LEMD2: variants seen among roughly 807,000 people sequenced by gnomAD.
The protein encoded by LEMD2 is LEM domain nuclear envelope protein 2.
LEMD2 carries 34 observed loss-of-function variants against 58.8 expected under a neutral mutation model. That is an observed-to-expected ratio of 0.58 (90% CI 0.44 to 0.77). LEMD2 has a LOEUF of 0.77. LEMD2 is among the 30% of genes least tolerant of loss of function. The pLI, the probability that LEMD2 is intolerant of heterozygous loss-of-function variation, is 0.00. For synonymous variants in LEMD2, 298 were observed against 308.9 expected (o/e 0.96, Z 0.37); for missense variants, 629 against 717.9 (o/e 0.88, Z 1.42).
Position 33,778,155 on chromosome 6 carries a change from C to T in LEMD2, c.1156+87G>A, listed in dbSNP as rs555633795. On this transcript the variant is annotated intron_variant, in intron 6 of 8. Coordinates refer to ENST00000293760, the MANE Select transcript of LEMD2 (RefSeq NM_181336.4). This position sits in a 1 kb window ranked among gnomAD's most constrained non-coding sequence, Gnocchi z 4.7. ...GTTCACTAGACAGAAATGAACCCTC[C>T]GGGCCTGGAATTTCTATAGCTCATC... 943 of 1,341,630 alleles carry T rather than the reference C, an allele frequency of 7.0e-4. 2 individuals are homozygous for T. Among genetic ancestry groups the T allele is most frequent in the Middle Eastern group, 2.7e-3 (13 of 4,882 alleles). 83.1% of individuals were successfully genotyped at this position (1,341,630 alleles called of 1,614,324 possible). A position where few individuals can be genotyped will look rare whatever the true frequency, so the allele number is the denominator to read the frequency against.
chr6:33,788,605 C>T lies in LEMD2; in HGVS notation c.512G>A (p.Arg171Gln). The T allele has an allele frequency of 7.8e-7, 1 of 1,276,950 alleles. No individual in the cohort carries two copies. The highest frequency in any genetic ancestry group is 2.7e-5 in the South Asian group (1 of 37,116). The allele number at this position is 1,276,950 out of a possible 1,614,324, so 79.1% of individuals were successfully genotyped here. Residue 171 changes from arginine to glutamine, a missense_variant, in exon 1 of 9, where the codon CGG (arginine) becomes CAG (glutamine). This residue lies in a region of LEMD2 where 386 missense variants were observed against 381.1 expected (regional missense o/e 1.01). Transcript: ENST00000293760. Reference sequence around the variant, plus strand: ...GGGACCGAGGAGGGAGGAAGGCAGCCGCGCCGGGGCGGGAGACGCTGCCCA... The same window carrying T: ...GGGACCGAGGAGGGAGGAAGGCAGCTGCGCCGGGGCGGGAGACGCTGCCCA... ...RWWAASPAPA[R>Q]LPSSLLGPDP... is the part of the protein sequence containing the mutation.
chr6:33,777,314 G>A (rs1767454566), intron 6 of LEMD2, 75 bp from the exon 7 acceptor site: 1 of 1,010,030 alleles, frequency 9.9e-7, no homozygotes, highest in South Asian at 1.3e-5. Context: ...AAGATGCTGT[G>A]ATGGATGCTG....
intron 1 of LEMD2, 50 bp downstream of exon 1, chr6:33,788,331 G>A (rs1272970535): frequency 7.4e-6 from 11 of 1,495,804 alleles, no homozygotes; most frequent in African/African-American, 4.2e-5. Context: ...GGGTCCTCCG[G>A]CGGACACACG....
intron 1 of LEMD2, among the ~76,000 whole-genome samples, chr6:33,787,707 T>C (rs1481679454): frequency 6.6e-6 from 1 of 152,254 alleles, no homozygotes; most frequent in Non-Finnish European, 1.5e-5. Context: ...CTCATTGGCA[T>C]ATCTAACCAT....
intron 6 of LEMD2, 115 bp from the exon 7 acceptor site, chr6:33,777,354 C>A: frequency 1.3e-6 from 1 of 783,476 alleles, no homozygotes; most frequent in South Asian, 1.4e-5. Flanking sequence ...GTTTGGGTAC[C>A]TACTATGTGT....
chr6:33,783,907 C>A (rs1392257082), intron 3 of LEMD2, among the ~76,000 whole-genome samples: 2 of 152,230 alleles, frequency 1.3e-5, no homozygotes, highest in African/African-American at 4.8e-5. Flanking sequence ...GGGCCCACTA[C>A]ACAGACTATC....
In LEMD2 at chr6:33,788,567, C is replaced by T. The variant is rs1767740832; in HGVS notation, c.550G>A (p.Gly184Ser). The change falls in exon 1 of 9, where the codon GGC (glycine) becomes AGC (serine). Residue 184 changes from glycine to serine, a missense_variant. This residue lies in a region of LEMD2 where 386 missense variants were observed against 381.1 expected (regional missense o/e 1.01). Transcript: ENST00000293760. ...SSLLGPDPRP[G>S]LRATRAGPAG... ...GGGCCCGCTCGAGTCGCCCGCAGGC[C>T]CGGGCGCGGGTCGGGACCGAGGAGG... The T allele has an allele frequency of 5.0e-6, 7 of 1,398,892 alleles. No homozygotes were observed. The highest frequency in any genetic ancestry group is 6.5e-6 in the Non-Finnish European group (7 of 1,081,606). The allele number at this position is 1,398,892 out of a possible 1,614,324, so 86.7% of individuals were successfully genotyped here. A position where few individuals can be genotyped will look rare whatever the true frequency, so the allele number is the denominator to read the frequency against.
At chr6:33,786,162 C>T (rs1178181995) in intron 2 of LEMD2, among the ~76,000 whole-genome samples, 3 of 151,464 alleles carry the variant, frequency 2.0e-5, no homozygotes, top group Non-Finnish European at 2.9e-5. Flanking sequence ...CATCCCAGCT[C>T]CTTGATAATG....
chr6:33,779,625 CA>C (rs1767518728), intron 5 of LEMD2: 1 of 156,712 alleles, frequency 6.4e-6, no homozygotes, highest in African/African-American at 2.4e-5. Flanking sequence ...CAGTGCTCAC[CA>C]GTGATAAAAA....
chr6:33,780,475 C>T (rs1382212027), intron 4 of LEMD2, among the ~76,000 whole-genome samples: 1 of 152,178 alleles, frequency 6.6e-6, no homozygotes, highest in Non-Finnish European at 1.5e-5. Context: ...GAGCTGGCAG[C>T]TCATCTTAGG....
At chr6:33,781,293 T>G (rs867112058) in intron 3 of LEMD2, 140 bp from the exon 4 acceptor site, 3 of 625,568 alleles carry the variant, frequency 4.8e-6, no homozygotes, top group Middle Eastern at 2.5e-4. Flanking sequence ...GTGGGGCATC[T>G]TCACTCTGCA....
intron 8 of LEMD2, among the ~76,000 whole-genome samples, chr6:33,773,878 C>T (rs1338111317): frequency 3.3e-5 from 5 of 152,196 alleles, no homozygotes; most frequent in African/African-American, 4.8e-5. Flanking sequence ...TGTCTCCTGA[C>T]GTGGGGAGCT....
intron 2 of LEMD2, 130 bp downstream of exon 2, chr6:33,786,604 A>G (rs564747630): frequency 8.5e-6 from 6 of 703,356 alleles, no homozygotes; most frequent in African/African-American, 3.6e-5. Flanking sequence ...ACAGAACACA[A>G]TGTGACTCTG....
At position 33,771,414 on chromosome 6, in the gene LEMD2, T is replaced by A. The variant is rs960716624; in HGVS notation, c.*1214A>T. 5 of 152,342 alleles carry A rather than the reference T, an allele frequency of 3.3e-5. No homozygotes were observed. The highest frequency in any genetic ancestry group is 7.2e-5 in the African/African-American group (3 of 41,574). 9.4% of individuals were successfully genotyped at this position (152,342 alleles called of 1,614,324 possible). ...TTGCTCAAATGAGGGAGACTGGAGC[T>A]TTATTAAGGAAACAAAAAATACCAG... On this transcript the variant is annotated 3_prime_UTR_variant, in exon 9 of 9. Transcript: ENST00000293760.
intron 1 of LEMD2, 36 bp from the exon 2 acceptor site, chr6:33,786,810 T>A: frequency 1.9e-6 from 3 of 1,612,246 alleles, no homozygotes; most frequent in Non-Finnish European, 2.5e-6. Context: ...GGAAATTAAG[T>A]GTGGGTTGAG....
In LEMD2 at chr6:33,784,881, C is replaced by G. The variant is rs936728660; in HGVS notation, c.778-454G>C. ...AGGGCAGAATGTCAGCAGCTGCCAT[C>G]TCGTCTCCCGTTAGGTGGAATCTCA... On this transcript the variant is annotated intron_variant, in intron 2 of 8. Coordinates refer to ENST00000293760, the MANE Select transcript of LEMD2 (RefSeq NM_181336.4). Among the ~76,000 whole-genome samples, 3 of 152,218 alleles carry G rather than the reference C, an allele frequency of 2.0e-5. 1 individual carries two copies. The highest frequency in any genetic ancestry group is 1.5e-5 in the Non-Finnish European group (1 of 68,044).
chr6:33,784,477 G>GGGGGGGGGGGGGGGGGCCCCC, intron 2 of LEMD2, 50 bp from the exon 3 acceptor site: 1 of 430,808 alleles, frequency 2.3e-6, no homozygotes, highest in East Asian at 7.6e-5. Context: ...GGTGGGAGGG[G>GGGGGGGGGGGGGGGGGCCCCC]TCCGTCTGTC....
chr6:33,774,095 A>G (rs1767372627), intron 8 of LEMD2, among the ~76,000 whole-genome samples: 1 of 151,354 alleles, frequency 6.6e-6, no homozygotes, highest in African/African-American at 2.4e-5. Context: ...TTAAGCAAAT[A>G]TGTGTGTGGA....
At chr6:33,774,176 T>TC (rs1225476746) in intron 8 of LEMD2, among the ~76,000 whole-genome samples, 2 of 149,168 alleles carry the variant, frequency 1.3e-5, no homozygotes, top group Non-Finnish European at 3.0e-5. Flanking sequence ...GACTTTTTTT[T>TC]TTTTTTTTTT....
Sources: gnomAD v4.1 joint callset for allele counts (sites outside exome capture counted in the v4.1 genomes callset) on GRCh38, gnomAD v4.1.1 for gene constraint, gnomAD v4.1.1 regional missense constraint, Gnocchi (gnomAD v3.1) non-coding constraint, MANE v1.5 for transcripts, NCBI Gene and HGNC (gene_info 2026-07-23, HGNC 2026-07-21) for gene names.